PARP9: variants seen among roughly 807,000 people sequenced by gnomAD.
PARP9 encodes poly(ADP-ribose) polymerase family member 9.
A neutral mutation model predicts 68.8 loss-of-function variants in PARP9; 48 were observed. The ratio of observed to expected loss-of-function variants is 0.70; its 90% confidence interval spans 0.55 to 0.89. PARP9 has a LOEUF of 0.89. Ranked by LOEUF, PARP9 falls within the 40% of genes least tolerant of loss-of-function variation. The probability of loss-of-function intolerance (pLI) is 0.00; values close to 1 mark genes in which losing one functional copy is unlikely to be tolerated. For synonymous variants in PARP9, 309 were observed against 333.8 expected (o/e 0.93, Z 0.81); for missense variants, 806 against 969.3 (o/e 0.83, Z 2.24).
chr3:122,554,172 A>G (rs1298022960), intron 4 of PARP9, among the ~76,000 whole-genome samples: 1 of 151,836 alleles, frequency 6.6e-6, no homozygotes, highest in Non-Finnish European at 1.5e-5. Flanking sequence ...TTTTCTGTCA[A>G]TTCCTCTGCA....
At chr3:122,553,714 T>C (rs1034482704) in intron 4 of PARP9, among the ~76,000 whole-genome samples, 1 of 152,194 alleles carries the variant, frequency 6.6e-6, no homozygotes, top group Non-Finnish European at 1.5e-5. Context: ...GACTATTTGA[T>C]TGTGGTCACG....
Position 122,555,397 on chromosome 3 carries a change from T to C in PARP9, c.774A>G (p.Glu258=), listed in dbSNP as rs138586117. The C allele has an allele frequency of 3.2e-5, 51 of 1,614,170 alleles. No homozygotes were observed. The African/African-American group carries it at 6.3e-4, about 20-fold the overall frequency. The stretch of plus-strand genomic sequence containing the variant: ...CCAGCTCACTCTTCCCTAGGATGAA[T>C]TCTGAAGCAGCTTTAAAGGCAGCAA... ...PTVAAFKAAS[E]FILGKSELGQ... Residue 258 remains glutamate, a synonymous_variant, in exon 4 of 11, where the codon GAA becomes GAG. Coordinates refer to ENST00000682323, the MANE Select transcript of PARP9 (RefSeq NM_001146105.2).
chr3:122,549,863 A>C (rs947837262), intron 6 of PARP9, among the ~76,000 whole-genome samples: 1 of 152,132 alleles, frequency 6.6e-6, no homozygotes, highest in Non-Finnish European at 1.5e-5. Context: ...CAGAGATCCA[A>C]GTGGAAATGA....
rs1196042904 is a variant in PARP9 at position 122,528,742 on chromosome 3, A to C, written c.2082T>G (p.Asp694Glu). ...AGTATATGCCAGCTCCGTATTTTGG[A>C]TCTGATAAAGGAAAAAATAAAATAA... is the stretch of plus-strand genomic sequence containing the variant. ...GFQRMYSTPC[D>E]PKYGAGIYFT... The change falls in exon 11 of 11, where the codon GAT becomes GAG. Residue 694 changes from aspartate (D) to glutamate (E), a missense_variant and splice_region_variant. By Grantham distance (45) the Asp-to-Glu change is conservative. Around this residue, in one of 2 missense-constraint regions of PARP9, gnomAD observed 680 missense variants for 858.8 expected, o/e 0.79. Transcript: ENST00000682323. 1 of 1,575,692 alleles carries C rather than the reference A, an allele frequency of 6.3e-7. No individual in the cohort carries two copies. The highest frequency in any genetic ancestry group is 8.6e-7 in the Non-Finnish European group (1 of 1,163,138).
At chr3:122,539,399 T>C (rs1429087278) in intron 8 of PARP9, among the ~76,000 whole-genome samples, 1 of 152,200 alleles carries the variant, frequency 6.6e-6, no homozygotes, top group Non-Finnish European at 1.5e-5. Context: ...CTATCTTGTT[T>C]ATTGCTGTAG....
chr3:122,547,071 T>TAC (rs200287350), intron 6 of PARP9, among the ~76,000 whole-genome samples: 5,172 of 125,662 alleles, frequency 0.041, 196 homozygotes, highest in Non-Finnish European at 0.067. Flanking sequence ...CATACATATA[T>TAC]ACACACACAC....
At chr3:122,531,013 A>G (rs928348329) in intron 10 of PARP9, among the ~76,000 whole-genome samples, 11 of 152,266 alleles carry the variant, frequency 7.2e-5, no homozygotes, top group Admixed American at 3.3e-4. Context: ...TTTTTATTTA[A>G]GCCATTCAAG....
chr3:122,529,568 G>A (rs1159143658), intron 10 of PARP9, among the ~76,000 whole-genome samples: 2 of 151,504 alleles, frequency 1.3e-5, no homozygotes, highest in Non-Finnish European at 2.9e-5. Flanking sequence ...GGCTAACACG[G>A]TGAAACCCCG....
intron 8 of PARP9, among the ~76,000 whole-genome samples, chr3:122,539,511 CTTTCTTTCTTTCTTTCTTTCTTT>C (rs1559818605): frequency 1.2e-4 from 2 of 16,964 alleles, no homozygotes; most frequent in African/African-American, 5.1e-4. Flanking sequence ...GATGGCATTT[CTTTCTTTCTTTCTTTCTTTCTTT>C]CTTTCTTTCT....
chr3:122,536,811 C>A (rs1197696259), intron 9 of PARP9, 123 bp downstream of exon 9: 1 of 1,187,824 alleles, frequency 8.4e-7, no homozygotes, highest in African/African-American at 1.5e-5. Flanking sequence ...GTCTTACTGA[C>A]CTAGGATTCC....
At chr3:122,561,303 A>G (rs1673057193) in intron 1 of PARP9, among the ~76,000 whole-genome samples, 1 of 152,160 alleles carries the variant, frequency 6.6e-6, no homozygotes, top group South Asian at 2.1e-4. Flanking sequence ...TACTAAAAAT[A>G]CAAAAAGTTA....
intron 8 of PARP9, among the ~76,000 whole-genome samples, chr3:122,539,653 T>C (rs1354323087): frequency 6.6e-6 from 1 of 151,652 alleles, no homozygotes; most frequent in Non-Finnish European, 1.5e-5. Context: ...CTCTGCCTCC[T>C]GGGTTCAAGT....
At chr3:122,532,480 ACT>A (rs1267230312) in intron 10 of PARP9, 1 of 953,224 alleles carries the variant, frequency 1.0e-6, no homozygotes, top group Non-Finnish European at 1.2e-6. Context: ...GACTATGAAA[ACT>A]CTGAAAATGA....
chr3:122,556,381 G>A (rs1196252548), intron 3 of PARP9, among the ~76,000 whole-genome samples: 6 of 152,086 alleles, frequency 3.9e-5, no homozygotes, highest in African/African-American at 1.4e-4. Context: ...TACTCCATAA[G>A]TGGTAGTTAC....
rs569406348 is a variant in PARP9, at chr3:122,528,054, T to C, written c.*310A>G. ...TTTAGAAAATAAAAGGCCTGCGTTA[T>C]ATACTAGAAAAATTTCTTCATTATA... On this transcript the variant is annotated 3_prime_UTR_variant, in exon 11 of 11. Transcript: ENST00000682323. The C allele has an allele frequency of 7.1e-5, 14 of 198,024 alleles. No homozygotes were observed. The highest frequency in any genetic ancestry group is 3.2e-4 in the South Asian group (2 of 6,308). 12.3% of individuals were successfully genotyped at this position (198,024 alleles called of 1,614,324 possible).
Position 122,552,633 on chromosome 3 carries a change from C to T in PARP9, c.892G>A (p.Val298Ile), listed in dbSNP as rs2079300783. Residue 298 changes from valine (V) to isoleucine (I), a missense_variant, in exon 5 of 11, where the codon GTA (valine) becomes ATA (isoleucine). By Grantham distance (29) the Val-to-Ile change is conservative (BLOSUM62 3). This residue lies in a region of PARP9 where 680 missense variants were observed against 858.8 expected (regional missense o/e 0.79). Transcript: ENST00000682323. ...QGHIEWQTAD[V>I]IVNSVNPHDI... Reference sequence around the variant, plus strand: ...TGTGGGTTTACAGAATTAACAATTACATCTGCCTGAAAAGGGAAGAAAGGG... The same window carrying T: ...TGTGGGTTTACAGAATTAACAATTATATCTGCCTGAAAAGGGAAGAAAGGG... 6.2e-7 allele frequency: 1 copy of T among 1,605,678 alleles called. No individual in the cohort carries two copies. The highest frequency in any genetic ancestry group is 8.5e-7 in the Non-Finnish European group (1 of 1,172,584).
upstream of PARP9, chr3:122,564,404 G>A: frequency 1.9e-6 from 3 of 1,595,334 alleles, no homozygotes; most frequent in Non-Finnish European, 1.7e-6. Flanking sequence ...CGGAGCCCCC[G>A]CGCCCTCCCG....
chr3:122,536,865 T>C, intron 9 of PARP9, 69 bp downstream of exon 9: 1 of 1,532,806 alleles, frequency 6.5e-7, no homozygotes, highest in East Asian at 2.3e-5. Flanking sequence ...AGGTGAGCTT[T>C]TCCTTTGGCT....
chr3:122,559,417 A>G (rs1207259771), intron 2 of PARP9, among the ~76,000 whole-genome samples, 189 bp downstream of exon 2: 1 of 152,236 alleles, frequency 6.6e-6, no homozygotes, highest in Non-Finnish European at 1.5e-5. Flanking sequence ...AGTTGACACT[A>G]TTTATTAGAT....
Sources: allele counts gnomAD v4.1 joint callset (sites outside exome capture counted in the v4.1 genomes callset), GRCh38; gene constraint gnomAD v4.1.1; regional missense constraint gnomAD v4.1.1; transcripts MANE v1.5; gene names NCBI Gene and HGNC (gene_info 2026-07-23, HGNC 2026-07-21).